Variants in PTCHD4 observed in about 807,000 individuals in gnomAD.
PTCHD4 encodes the protein patched domain-containing protein 4.
PTCHD4 carries 33 observed loss-of-function variants against 58.1 expected under a neutral mutation model. That is an observed-to-expected ratio of 0.57 (90% CI 0.43 to 0.76). The LOEUF is 0.76. Among genes scored for constraint, PTCHD4 ranks in the 30% least tolerant of loss-of-function variants. The pLI, the probability that PTCHD4 is intolerant of heterozygous loss-of-function variation, is 0.00. For synonymous variants in PTCHD4, 478 were observed against 409.6 expected (o/e 1.17, Z -2.02); for missense variants, 1,058 against 1,027.1 (o/e 1.03, Z -0.41).
chr6:48,057,435 T>C (rs900730548), intron 3 of PTCHD4, among the ~76,000 whole-genome samples: 1 of 152,204 alleles, frequency 6.6e-6, no homozygotes, highest in African/African-American at 2.4e-5. Flanking sequence ...GAAAGCTAAA[T>C]GCCCTATTAG....
intron 1 of PTCHD4, among the ~76,000 whole-genome samples, chr6:48,092,710 C>T (rs1339816560): frequency 6.6e-6 from 1 of 152,072 alleles, no homozygotes; most frequent in Non-Finnish European, 1.5e-5. Context: ...CAGGACAGGA[C>T]AGGTTTAGCA....
At chr6:47,955,438 C>G (rs1014370702) in intron 4 of PTCHD4, among the ~76,000 whole-genome samples, 1 of 152,118 alleles carries the variant, frequency 6.6e-6, no homozygotes, top group African/African-American at 2.4e-5. Flanking sequence ...GGGGGTGGGG[C>G]TTGCATGTGA....
rs573295463 is a variant in PTCHD4 at position 47,873,473 on chromosome 6, T to C, written c.*4830A>G. Among the ~76,000 whole-genome samples, 3 of 151,818 alleles carry C rather than the reference T, an allele frequency of 2.0e-5. No homozygotes were observed. Among genetic ancestry groups the C allele is most frequent in the East Asian group, 3.9e-4 (2 of 5,130 alleles). On this transcript the variant is annotated 3_prime_UTR_variant, in exon 5 of 5. Coordinates refer to ENST00000339488, the MANE Select transcript of PTCHD4 (RefSeq NM_001384253.1). ...AGTTAAACGTGATGGTGGATTAATC[T>C]TGGTCCTTTAGTTGATAAATCAAGG...
intron 3 of PTCHD4, among the ~76,000 whole-genome samples, chr6:48,024,929 C>A (rs1763191122): frequency 6.6e-6 from 1 of 152,134 alleles, no homozygotes; most frequent in African/African-American, 2.4e-5. Context: ...TGGTAGTATG[C>A]AAAAGCCAGA....
chr6:47,906,666 C>G (rs563379858), intron 4 of PTCHD4, among the ~76,000 whole-genome samples: 1 of 152,214 alleles, frequency 6.6e-6, no homozygotes, highest in South Asian at 2.1e-4. Context: ...AATCTTCTAC[C>G]CAGGATAAAA....
chr6:48,068,641 T>C lies in PTCHD4; in HGVS notation c.6A>G (p.Arg2=), dbSNP rs778720236. ...TCCAGCTCGCAGGCGCTCCCGGCCG[T>C]CTTAAAAAGCACATGTGACATGTGT... M[R]RPGAPASWIW... The change falls in exon 3 of 5, where the codon CGA becomes CGG. Residue 2 remains arginine (R), a splice_region_variant and synonymous_variant. Transcript: ENST00000339488. This position sits in a 1 kb window ranked among gnomAD's most constrained non-coding sequence, Gnocchi z 4.2. 1.9e-6 allele frequency: 3 copies of C among 1,545,094 alleles called. No homozygotes were observed. The highest frequency in any genetic ancestry group is 2.6e-6 in the Non-Finnish European group (3 of 1,150,764).
chr6:48,101,384 C>T (rs1765599046), intron 1 of PTCHD4, among the ~76,000 whole-genome samples: 1 of 152,154 alleles, frequency 6.6e-6, no homozygotes, highest in Non-Finnish European at 1.5e-5. Context: ...TTAACATATG[C>T]TAAAGCAAAC....
At chr6:47,896,347 T>C (rs563634718) in intron 4 of PTCHD4, among the ~76,000 whole-genome samples, 1 of 152,180 alleles carries the variant, frequency 6.6e-6, no homozygotes, top group Non-Finnish European at 1.5e-5. Flanking sequence ...AGGCAGAGTA[T>C]CCTAACAATT....
At chr6:48,029,596 T>C (rs1582045905) in intron 3 of PTCHD4, among the ~76,000 whole-genome samples, 1 of 152,266 alleles carries the variant, frequency 6.6e-6, no homozygotes, top group East Asian at 1.9e-4. Flanking sequence ...TGTAGCCATT[T>C]AGTAAAATAT....
At chr6:47,943,016 T>C (rs539292009) in intron 4 of PTCHD4, among the ~76,000 whole-genome samples, 117 of 152,312 alleles carry the variant, frequency 7.7e-4, no homozygotes, top group Admixed American at 5.2e-4. Flanking sequence ...TGCAGTTTCA[T>C]GAGAAACTTG....
chr6:47,939,766 G>A (rs953193857), intron 4 of PTCHD4, among the ~76,000 whole-genome samples: 6 of 152,046 alleles, frequency 3.9e-5, no homozygotes, highest in African/African-American at 9.7e-5. Flanking sequence ...GTTTTGACAC[G>A]TGATGCTCAC....
chr6:48,023,672 T>C (rs1448559312), intron 3 of PTCHD4, among the ~76,000 whole-genome samples: 1 of 152,224 alleles, frequency 6.6e-6, no homozygotes, highest in Non-Finnish European at 1.5e-5. Context: ...TTCTTCTGAA[T>C]GTTCCCAAAT....
At chr6:48,027,999 T>C (rs1467883467) in intron 3 of PTCHD4, among the ~76,000 whole-genome samples, 1 of 152,108 alleles carries the variant, frequency 6.6e-6, no homozygotes, top group Non-Finnish European at 1.5e-5. Context: ...TGGGGTATAG[T>C]GGTGCGATCT....
At chr6:48,047,054 C>T (rs1764059921) in intron 3 of PTCHD4, among the ~76,000 whole-genome samples, 1 of 151,774 alleles carries the variant, frequency 6.6e-6, no homozygotes, top group African/African-American at 2.4e-5. Context: ...TTGCCTGGCC[C>T]ATAGGTCCAA....
intron 4 of PTCHD4, among the ~76,000 whole-genome samples, chr6:47,919,562 T>G (rs1394628104): frequency 6.6e-6 from 1 of 152,114 alleles, no homozygotes; most frequent in Non-Finnish European, 1.5e-5. Context: ...AGACTGGTTT[T>G]TACCAAAGCC....
intron 4 of PTCHD4, among the ~76,000 whole-genome samples, chr6:47,905,523 G>A (rs1310609520): frequency 3.9e-5 from 6 of 152,202 alleles, no homozygotes; most frequent in Non-Finnish European, 4.4e-5. Flanking sequence ...TAGCTCTGAA[G>A]AGTAAGAAAA....
rs541759894 is a variant in PTCHD4 at position 47,858,184 on chromosome 6, T to C, written c.*20119A>G. On this transcript the variant is annotated 3_prime_UTR_variant, in exon 5 of 5. Coordinates refer to ENST00000339488, the MANE Select transcript of PTCHD4 (RefSeq NM_001384253.1). ...CTCTGAATGAATACTCCAGCAATTA[T>C]AGGAGAGGGAAGGTTTTCATAAACA... Among the ~76,000 whole-genome samples, 7 of 152,084 alleles carry C rather than the reference T, an allele frequency of 4.6e-5. No individual in the cohort carries two copies. In the East Asian group the frequency reaches 1.4e-3, roughly 30 times the overall value.
intron 3 of PTCHD4, among the ~76,000 whole-genome samples, chr6:48,056,887 C>T (rs2114180863): frequency 6.6e-6 from 1 of 152,322 alleles, no homozygotes; most frequent in East Asian, 1.9e-4. Flanking sequence ...TCTGCAAGCT[C>T]TCATGGTGCC....
chr6:48,084,893 G>A lies in PTCHD4; in HGVS notation c.-969-14967C>T, dbSNP rs191574567. On this transcript the variant is annotated intron_variant, in intron 1 of 4. Transcript: ENST00000339488. ...TGAGTAGCTGAGACTACAGGTGCAC[G>A]CCACCACACCTGACTGATTTTTTGT... 1.9e-3 allele frequency among the ~76,000 whole-genome samples: 283 copies of A among 151,546 alleles called. 3 individuals are homozygous for A. The highest frequency in any genetic ancestry group is 6.3e-3 in the African/African-American group (262 of 41,328).
Sources: allele counts gnomAD v4.1 joint callset (sites outside exome capture counted in the v4.1 genomes callset), GRCh38; gene constraint gnomAD v4.1.1; non-coding constraint Gnocchi (gnomAD v3.1); transcripts MANE v1.5; gene names NCBI Gene and HGNC (gene_info 2026-07-23, HGNC 2026-07-21).